The following BACH1 variants were observed in gnomAD, a reference collection of about 807,000 sequenced individuals.
BACH1 encodes the protein transcription regulator protein BACH1.
BACH1 carries 35 observed loss-of-function variants against 52.9 expected under a neutral mutation model. The ratio of observed to expected loss-of-function variants is 0.66; its 90% CI spans 0.51 to 0.88. The LOEUF is 0.88. Ranked by LOEUF, BACH1 falls within the 40% of genes least tolerant of loss-of-function variation. The pLI is 0.00. For missense variants in BACH1, 808 were observed against 872.6 expected (o/e 0.93, Z 0.93); for synonymous variants, 321 against 319.6 (o/e 1.00, Z -0.05).
In BACH1 at chr21:29,327,220, A is replaced by G. The variant is rs1352779498; in HGVS notation, c.1396A>G (p.Thr466Ala). The G allele has an allele frequency of 1.2e-6, 2 of 1,614,006 alleles. No individual in the cohort carries two copies. The highest frequency in any genetic ancestry group is 8.5e-7 in the Non-Finnish European group (1 of 1,180,040). Residue 466 changes from threonine (T) to alanine (A), a missense_variant, in exon 3 of 5, where the codon ACT becomes GCT. Coordinates refer to ENST00000286800, the MANE Select transcript of BACH1 (RefSeq NM_001186.4). ...TTCTGTCAACTGCCCTTTTATAAGT[A>G]CTCTGAGTACTGAAGGCTGTTCAAG... ...LSSVNCPFIS[T>A]LSTEGCSSNL...
Position 29,327,368 on chromosome 21 carries a change from G to T in BACH1, c.1544G>T (p.Cys515Phe). ...GACACCGAAGGAGACAGTGAATCCT[G>T]TTCAGCCAGAGAACAAGAATGTGAG... ...ETDTEGDSES[C>F]SAREQECEVK... Residue 515 changes from cysteine (C) to phenylalanine (F), a missense_variant, in exon 3 of 5, where the codon TGT (cysteine) becomes TTT (phenylalanine). Coordinates refer to ENST00000286800, the MANE Select transcript of BACH1 (RefSeq NM_001186.4). The T allele has an allele frequency of 6.2e-7, 1 of 1,613,538 alleles. No homozygotes were observed. The highest frequency in any genetic ancestry group is 1.7e-5 in the Admixed American group (1 of 59,932).
chr21:29,354,882 G>A (rs2089223981), intron 2 of BACH1, among the ~76,000 whole-genome samples: 1 of 152,192 alleles, frequency 6.6e-6, no homozygotes, highest in Non-Finnish European at 1.5e-5. Flanking sequence ...TGTGTGTGGT[G>A]AACAGAGGAG....
chr21:29,336,704 G>A (rs1441821080), intron 4 of BACH1, among the ~76,000 whole-genome samples: 1 of 150,632 alleles, frequency 6.6e-6, no homozygotes, highest in Non-Finnish European at 1.5e-5. Flanking sequence ...TCACTCTGTT[G>A]CCTAGGCTGG....
At chr21:29,306,897 A>G (rs1467423193) in intron 1 of BACH1, among the ~76,000 whole-genome samples, 2 of 152,240 alleles carry the variant, frequency 1.3e-5, no homozygotes, top group African/African-American at 2.4e-5. Flanking sequence ...GTCAATAAAT[A>G]TATATAGAAG....
At position 29,326,447 on chromosome 21, in the gene BACH1, A is replaced by G. The variant is rs1218133718; in HGVS notation, c.623A>G (p.Glu208Gly). ...CAAGACAGTGCCAGTCAGACATATG[A>G]GTCCATGTGCTTAGAGAAGGATGCT... Reference protein sequence around the residue: ...PLQDSASQTYESMCLEKDAAL... With the variant: ...PLQDSASQTYGSMCLEKDAAL... Residue 208 changes from glutamate (E) to glycine (G), a missense_variant, in exon 3 of 5, where the codon GAG becomes GGG. Transcript: ENST00000286800. The G allele has an allele frequency of 9.3e-6, 15 of 1,614,134 alleles. No individual in the cohort carries two copies. The highest frequency in any genetic ancestry group is 1.1e-5 in the Non-Finnish European group (13 of 1,180,060).
chr21:29,301,065 T>C (rs1389669683), intron 1 of BACH1, among the ~76,000 whole-genome samples: 1 of 152,212 alleles, frequency 6.6e-6, no homozygotes, highest in Non-Finnish European at 1.5e-5. Context: ...GCTGGGAATT[T>C]GGCCCTTTGG....
intron 1 of BACH1, among the ~76,000 whole-genome samples, chr21:29,308,319 A>G (rs888111181): frequency 6.6e-6 from 1 of 152,236 alleles, no homozygotes; most frequent in Non-Finnish European, 1.5e-5. Flanking sequence ...CTGTGGCCCT[A>G]CGGTGGCTGT....
At chr21:29,352,944 C>A (rs2123489373) in intron 2 of BACH1, among the ~76,000 whole-genome samples, 1 of 152,228 alleles carries the variant, frequency 6.6e-6, no homozygotes, top group South Asian at 2.1e-4. Context: ...AACTCCTGAC[C>A]TCAGGTGATC....
At chr21:29,317,527 G>A (rs2088801573) in intron 1 of BACH1, among the ~76,000 whole-genome samples, 1 of 152,216 alleles carries the variant, frequency 6.6e-6, no homozygotes. Flanking sequence ...CAGGAAGGAA[G>A]AGACAGTGAG....
Position 29,329,602 on chromosome 21 carries a change from G to A in BACH1, c.1685G>A (p.Arg562Gln). Reference sequence around the variant, plus strand: ...CAGCTGGATTGTATCCATGATATTCGAAGAAGAAGTAAAAACAGAATTGCT... The same window carrying A: ...CAGCTGGATTGTATCCATGATATTCAAAGAAGAAGTAAAAACAGAATTGCT... Reference protein sequence around the residue: ...PEQLDCIHDIRRRSKNRIAAQ... With the variant: ...PEQLDCIHDIQRRSKNRIAAQ... The change falls in exon 4 of 5, where the codon CGA (arginine) becomes CAA (glutamine). Residue 562 changes from arginine to glutamine, a missense_variant. Coordinates refer to ENST00000286800, the MANE Select transcript of BACH1 (RefSeq NM_001186.4). The A allele has an allele frequency of 1.9e-6, 3 of 1,605,816 alleles. No homozygotes were observed. Among genetic ancestry groups the A allele is most frequent in the Non-Finnish European group, 2.5e-6 (3 of 1,177,082 alleles).
intron 2 of BACH1, among the ~76,000 whole-genome samples, chr21:29,357,201 G>C (rs945276227): frequency 1.8e-4 from 28 of 152,166 alleles, no homozygotes; most frequent in Non-Finnish European, 1.5e-5. Flanking sequence ...TTCTGCTAAC[G>C]GGGCGCTGGT....
chr21:29,304,851 C>CT (rs1410956215), intron 1 of BACH1, among the ~76,000 whole-genome samples: 1 of 152,186 alleles, frequency 6.6e-6, no homozygotes, highest in African/African-American at 2.4e-5. Context: ...AGTGTGCCAG[C>CT]GTCTTTCAGA....
chr21:29,339,104 G>A (rs2089080074), intron 4 of BACH1, among the ~76,000 whole-genome samples: 1 of 152,182 alleles, frequency 6.6e-6, no homozygotes, highest in African/African-American at 2.4e-5. Flanking sequence ...ACTGTTTCAT[G>A]TTTAAGGAGC....
intron 1 of BACH1, among the ~76,000 whole-genome samples, chr21:29,317,010 G>C (rs1359082836): frequency 3.3e-5 from 5 of 152,240 alleles, no homozygotes; most frequent in Non-Finnish European, 7.3e-5. Flanking sequence ...TTGCACAGCA[G>C]GAGGTGAGTG....
At position 29,326,451 on chromosome 21, in the gene BACH1, C is replaced by T. The variant is rs61735773; in HGVS notation, c.627C>T (p.Ser209=). The change falls in exon 3 of 5, where the codon TCC becomes TCT. Residue 209 remains serine, a synonymous_variant. Transcript: ENST00000286800. ...ACAGTGCCAGTCAGACATATGAGTC[C>T]ATGTGCTTAGAGAAGGATGCTGCTC... ...LQDSASQTYE[S]MCLEKDAALA... is the part of the protein sequence containing the mutation. 1.4e-5 allele frequency: 22 copies of T among 1,614,208 alleles called. No individual in the cohort carries two copies. The highest frequency in any genetic ancestry group is 1.6e-4 in the Middle Eastern group (1 of 6,062).
intron 3 of BACH1, 85 bp from the exon 4 acceptor site, chr21:29,329,402 A>C: frequency 3.5e-6 from 4 of 1,134,106 alleles, no homozygotes; most frequent in Non-Finnish European, 4.8e-6. Context: ...TCTCTGAAAA[A>C]CTTAGATGTA....
chr21:29,352,972 CA>C (rs898676869), intron 2 of BACH1, among the ~76,000 whole-genome samples: 2 of 152,108 alleles, frequency 1.3e-5, no homozygotes, highest in Non-Finnish European at 2.9e-5. Context: ...CTCAGCCTCC[CA>C]AAGTGCTGAG....
intron 1 of BACH1, among the ~76,000 whole-genome samples, chr21:29,309,072 A>G (rs1332624965): frequency 7.2e-5 from 11 of 152,172 alleles, no homozygotes; most frequent in Non-Finnish European, 1.6e-4. Context: ...AGCCTGGCCA[A>G]CATGGTGAAA....
intron 1 of BACH1, among the ~76,000 whole-genome samples, chr21:29,303,361 G>C (rs1196144822): frequency 6.6e-6 from 1 of 152,146 alleles, no homozygotes; most frequent in Admixed American, 6.5e-5. Flanking sequence ...GTGTCTTTCT[G>C]TTTTATCTCC....
Sources: gnomAD v4.1 joint callset for allele counts (sites outside exome capture counted in the v4.1 genomes callset) on GRCh38, gnomAD v4.1.1 for gene constraint, MANE v1.5 for transcripts, NCBI Gene and HGNC (gene_info 2026-07-23, HGNC 2026-07-21) for gene names.